Variants in NRXN3 observed in about 807,000 individuals in gnomAD.
The protein encoded by NRXN3 is neurexin 3.
In NRXN3, 32 loss-of-function variants were observed where a neutral mutation model predicts 137.6. The observed-to-expected ratio is 0.23, with a 90% CI of 0.18 to 0.31. The LOEUF is 0.31. NRXN3 is among the 10% of genes least tolerant of loss of function. NRXN3 has a pLI of 1.00. For missense variants in NRXN3, 1,574 were observed against 2,062.5 expected, an observed-to-expected ratio of 0.76 and a Z score of 4.59; for synonymous variants, 798 against 784.5, an observed-to-expected ratio of 1.02 and a Z score of -0.29.
At chr14:78,796,277 T>C (rs932981816) in intron 8 of NRXN3, among the ~76,000 whole-genome samples, 1 of 152,216 alleles carries the variant, frequency 6.6e-6, no homozygotes, top group African/African-American at 2.4e-5. Flanking sequence ...GAGTCCACCA[T>C]CTTTCCCAAA....
intron 4 of NRXN3, among the ~76,000 whole-genome samples, chr14:78,410,072 T>C (rs949639490): frequency 1.3e-4 from 20 of 152,354 alleles, no homozygotes; most frequent in Middle Eastern, 3.4e-3. Flanking sequence ...ATATAACAGT[T>C]ACTTTTCTGA....
intron 19 of NRXN3, among the ~76,000 whole-genome samples, chr14:79,765,251 C>T (rs569408822): frequency 1.3e-5 from 2 of 152,156 alleles, no homozygotes; most frequent in African/African-American, 4.8e-5. Context: ...CTGATTTATA[C>T]AGTAGGAGGA....
intron 1 of NRXN3, among the ~76,000 whole-genome samples, chr14:78,193,002 C>T (rs575838642): frequency 6.6e-6 from 1 of 152,226 alleles, no homozygotes; most frequent in South Asian, 2.1e-4. Flanking sequence ...GTTTAGAAAG[C>T]CTGTTTGGCT....
chr14:78,651,279 T>C lies in NRXN3; in HGVS notation c.1174T>C (p.Leu392=), dbSNP rs767826290. The change falls in exon 6 of 21, where the codon TTG becomes CTG. Residue 392 remains leucine, a synonymous_variant. Transcript: ENST00000335750. ...YVGGSPSTAD[L]PGSPVSNNFM... ...AGGAGGAAGCCCAAGTACCGCTGAC[T>C]TGCCTGGCTCCCCTGTCAGCAACAA... 8.7e-6 allele frequency: 14 copies of C among 1,614,088 alleles called. No individual in the cohort carries two copies. Among genetic ancestry groups the C allele is most frequent in the East Asian group, 2.2e-5 (1 of 44,874 alleles).
intron 20 of NRXN3, among the ~76,000 whole-genome samples, chr14:79,843,084 T>C (rs993719417): frequency 6.6e-6 from 1 of 152,210 alleles, no homozygotes; most frequent in Non-Finnish European, 1.5e-5. Flanking sequence ...GGCTGAATAA[T>C]ATTCCACTTA....
chr14:78,579,732 G>A (rs2096973911), intron 4 of NRXN3, among the ~76,000 whole-genome samples: 1 of 152,108 alleles, frequency 6.6e-6, no homozygotes, highest in Non-Finnish European at 1.5e-5. Context: ...AGAGGTGGGA[G>A]CATGAAAGTT....
At chr14:78,964,858 T>G (rs1188521928) in intron 11 of NRXN3, among the ~76,000 whole-genome samples, 1 of 152,148 alleles carries the variant, frequency 6.6e-6, no homozygotes, top group Non-Finnish European at 1.5e-5. Context: ...AAATAGGTAA[T>G]ACAAGTTCTA....
chr14:78,416,102 A>G (rs1373437782), intron 4 of NRXN3, among the ~76,000 whole-genome samples: 3 of 152,186 alleles, frequency 2.0e-5, no homozygotes, highest in African/African-American at 4.8e-5. Flanking sequence ...AACTCAGAGT[A>G]TTGTTGGCAG....
chr14:78,445,893 T>G (rs958167022), intron 4 of NRXN3, among the ~76,000 whole-genome samples: 1 of 152,198 alleles, frequency 6.6e-6, no homozygotes, highest in Non-Finnish European at 1.5e-5. Flanking sequence ...AAGCTGTTCT[T>G]GAGGTTCTGT....
At chr14:78,456,176 C>A (rs1032675715) in intron 4 of NRXN3, among the ~76,000 whole-genome samples, 1 of 152,122 alleles carries the variant, frequency 6.6e-6, no homozygotes, top group Non-Finnish European at 1.5e-5. Flanking sequence ...ATATGACAGT[C>A]GACACCCCCC....
At position 79,066,500 on chromosome 14, in the gene NRXN3, AT is replaced by A. The variant is rs573556498; in HGVS notation, c.3262+78367del. On this transcript the variant is annotated intron_variant, in intron 15 of 20. Transcript: ENST00000335750. ...CTTTTTTGGTTCCATATAAATTTAAATTTTTTTTCTAATTCTGTGAAGAATG... is the reference window on the plus strand; with the variant it reads ...CTTTTTTGGTTCCATATAAATTTAAATTTTTTTCTAATTCTGTGAAGAATG... Among the ~76,000 whole-genome samples the A allele has an allele frequency of 7.9e-5, 12 of 151,808 alleles. No homozygotes were observed. In the East Asian group the frequency reaches 1.2e-3, roughly 15 times the overall value.
At chr14:79,253,072 C>T (rs530967816) in intron 15 of NRXN3, among the ~76,000 whole-genome samples, 7 of 152,206 alleles carry the variant, frequency 4.6e-5, no homozygotes, top group African/African-American at 1.7e-4. Flanking sequence ...AGTAGCGTGA[C>T]CTGGATGTTG....
intron 20 of NRXN3, among the ~76,000 whole-genome samples, chr14:79,807,494 A>T (rs1262193049): frequency 2.0e-5 from 3 of 152,110 alleles, no homozygotes; most frequent in Admixed American, 6.5e-5. Flanking sequence ...GCTATTTGTT[A>T]TGAGACTTGA....
intron 4 of NRXN3, among the ~76,000 whole-genome samples, chr14:78,622,516 T>C (rs1361844907): frequency 6.6e-6 from 1 of 152,184 alleles, no homozygotes; most frequent in East Asian, 1.9e-4. Context: ...GATTCTTCTC[T>C]CTTCTTCTGG....
intron 4 of NRXN3, among the ~76,000 whole-genome samples, chr14:78,406,883 C>T (rs2092520115): frequency 6.6e-6 from 1 of 151,986 alleles, no homozygotes; most frequent in African/African-American, 2.4e-5. Context: ...CCCAAGATTC[C>T]CTGACTGGTC....
chr14:78,400,343 T>A (rs1270585856), intron 4 of NRXN3, among the ~76,000 whole-genome samples: 1 of 152,208 alleles, frequency 6.6e-6, no homozygotes, highest in Non-Finnish European at 1.5e-5. Flanking sequence ...TCAGCTGTCT[T>A]CCTTTATCTG....
Position 79,862,213 on chromosome 14 carries a change from C to G in NRXN3, c.*249C>G. The G allele has an allele frequency of 2.2e-6, 1 of 450,074 alleles. No individual in the cohort carries two copies. The highest frequency in any genetic ancestry group is 2.5e-5 in the South Asian group (1 of 39,458). 27.9% of individuals were successfully genotyped at this position (450,074 alleles called of 1,614,324 possible). A position where few individuals can be genotyped will look rare whatever the true frequency, so the allele number is the denominator to read the frequency against. On this transcript the variant is annotated 3_prime_UTR_variant, in exon 21 of 21. Transcript: ENST00000335750. ...CGCTGGGAGACAGAAGGTTTTGTGC[C>G]CTGCTGTATCATAAAGCACACACTT... is the stretch of plus-strand genomic sequence containing the variant.
chr14:78,481,775 A>G (rs2095476997), intron 4 of NRXN3, among the ~76,000 whole-genome samples: 1 of 152,164 alleles, frequency 6.6e-6, no homozygotes, highest in African/African-American at 2.4e-5. Context: ...CATAACTACA[A>G]ACAGAAAGGA....
rs1195202737 is a variant in NRXN3 at position 79,641,669 on chromosome 14, TC to T, written c.3445-22108del. On this transcript the variant is annotated intron_variant, in intron 16 of 20. Coordinates refer to ENST00000335750, the MANE Select transcript of NRXN3 (RefSeq NM_001330195.2). The stretch of plus-strand genomic sequence containing the variant: ...TGGGGCTCAAACTGAAGGGACAGTG[TC>T]TATCCAGGGCTTAGTCTTTCATGGT... Among the ~76,000 whole-genome samples the T allele has an allele frequency of 2.2e-5, 3 of 134,964 alleles. 1 individual carries two copies. The highest frequency in any genetic ancestry group is 3.4e-5 in the Non-Finnish European group (2 of 58,102). 88.5% of individuals were successfully genotyped at this position (134,964 alleles called of 152,430 possible).
Sources: gnomAD v4.1 joint callset for allele counts (sites outside exome capture counted in the v4.1 genomes callset) on GRCh38, gnomAD v4.1.1 for gene constraint, MANE v1.5 for transcripts, NCBI Gene and HGNC (gene_info 2026-07-23, HGNC 2026-07-21) for gene names.